SCUBE1: variants seen among roughly 807,000 people sequenced by gnomAD.
SCUBE1 encodes signal peptide, CUB and EGF-like domain-containing protein 1.
In SCUBE1, 59 loss-of-function variants were observed where a neutral mutation model predicts 124.4. The ratio of observed to expected loss-of-function variants is 0.47; its 90% CI spans 0.38 to 0.59. The LOEUF (loss-of-function observed/expected upper bound fraction) is 0.59. Ranked by LOEUF, SCUBE1 falls within the 20% of genes least tolerant of loss-of-function variation. The pLI, the probability that SCUBE1 is intolerant of heterozygous loss-of-function variation, is 0.00. For synonymous variants in SCUBE1, 545 were observed against 550.9 expected (o/e 0.99, Z 0.15); for missense variants, 1,150 against 1,371.2 (o/e 0.84, Z 2.55).
At chr22:43,343,148 G>A (rs1252540928) in intron 1 of SCUBE1, 26 bp downstream of exon 1, 98 of 1,123,320 alleles carry the variant, frequency 8.7e-5, no homozygotes, top group Non-Finnish European at 1.0e-4. Flanking sequence ...CGCGCCCGCC[G>A]CCCCCCACCT....
chr22:43,294,821 C>T (rs1255058477), intron 3 of SCUBE1, among the ~76,000 whole-genome samples: 1 of 152,188 alleles, frequency 6.6e-6, no homozygotes, highest in African/African-American at 2.4e-5. Context: ...AATCCCAGCC[C>T]ACCCCCAAGC....
rs144132382 is a variant in SCUBE1, at chr22:43,255,872, GGAGGCT to G, written c.727+2341_727+2346del. Among the ~76,000 whole-genome samples the G allele has an allele frequency of 9.3e-3, 1,420 of 152,298 alleles. 23 individuals carry two copies. The highest frequency in any genetic ancestry group is 0.033 in the African/African-American group (1,369 of 41,560). On this transcript the variant is annotated intron_variant, in intron 6 of 21. Transcript: ENST00000360835. The surrounding 1 kb of genome is among the most constrained non-coding windows in gnomAD (Gnocchi z 4.7). ...GGCCCATGGGCAAGCAAACAGAGAA[GGAGGCT>G]GAGGTCAGGGCAGACGGGATTCGTC...
intron 4 of SCUBE1, among the ~76,000 whole-genome samples, chr22:43,287,385 T>C (rs1437190854): frequency 1.3e-5 from 2 of 152,330 alleles, no homozygotes; most frequent in East Asian, 1.9e-4. Context: ...AGGCCCTTTT[T>C]ACAGCTGAAA....
At chr22:43,308,316 G>A (rs1043688125) in intron 3 of SCUBE1, among the ~76,000 whole-genome samples, 5 of 152,204 alleles carry the variant, frequency 3.3e-5, no homozygotes, top group Non-Finnish European at 7.3e-5. Flanking sequence ...CTGAAAGTGG[G>A]CCAAGAATGG....
intron 3 of SCUBE1, among the ~76,000 whole-genome samples, chr22:43,309,262 A>C (rs1332633598): frequency 6.6e-6 from 1 of 152,202 alleles, no homozygotes; most frequent in Non-Finnish European, 1.5e-5. Flanking sequence ...GTGTTTTACA[A>C]AGCTCATCTC....
chr22:43,207,892 G>A (rs1921360568), intron 20 of SCUBE1, among the ~76,000 whole-genome samples, 180 bp downstream of exon 20: 1 of 152,206 alleles, frequency 6.6e-6, no homozygotes, highest in Non-Finnish European at 1.5e-5. Context: ...TGTCTTGCCT[G>A]TACCACCCGG....
intron 4 of SCUBE1, among the ~76,000 whole-genome samples, chr22:43,264,185 C>T (rs527891411): frequency 3.5e-4 from 54 of 152,340 alleles, no homozygotes; most frequent in African/African-American, 1.3e-3. Context: ...ACGTCCCTTT[C>T]TTAGAAAGGT....
At chr22:43,321,178 C>G (rs982138543) in intron 2 of SCUBE1, among the ~76,000 whole-genome samples, 1 of 152,206 alleles carries the variant, frequency 6.6e-6, no homozygotes, top group East Asian at 1.9e-4. Context: ...AAGCCGGGGT[C>G]ACTCCCCTAT....
chr22:43,322,147 C>A (rs549941714), intron 2 of SCUBE1, among the ~76,000 whole-genome samples: 102 of 152,226 alleles, frequency 6.7e-4, no homozygotes, highest in African/African-American at 2.4e-3. Flanking sequence ...CCATGCCCGG[C>A]TAATTTTTTG....
chr22:43,263,479 C>T (rs1209943820), intron 4 of SCUBE1, among the ~76,000 whole-genome samples: 1 of 152,202 alleles, frequency 6.6e-6, no homozygotes, highest in Non-Finnish European at 1.5e-5. Flanking sequence ...CACCTCCACC[C>T]ACAGGAAGCT....
At position 43,204,150 on chromosome 22, in the gene SCUBE1, C is replaced by G; in HGVS notation, c.2815-1G>C. On this transcript the variant is annotated splice_acceptor_variant, in intron 21 of 21. Coordinates refer to ENST00000360835, the MANE Select transcript of SCUBE1 (RefSeq NM_173050.5). LOFTEE classifies it high-confidence loss of function. ...AGAGGGCCTTGATCAGCTTCTTGTC[C>G]TGTAAGATAGAGTGGGTGGGAGGCA... 1 of 1,613,720 alleles carries G rather than the reference C, an allele frequency of 6.2e-7. No homozygotes were observed. Among genetic ancestry groups the G allele is most frequent in the Non-Finnish European group, 8.5e-7 (1 of 1,179,930 alleles).
At chr22:43,252,342 C>A (rs1268897796) in intron 6 of SCUBE1, among the ~76,000 whole-genome samples, 5 of 152,216 alleles carry the variant, frequency 3.3e-5, no homozygotes, top group Non-Finnish European at 7.3e-5. Context: ...GAACCCTTAG[C>A]CCCTCTGAGC....
At chr22:43,339,828 C>G (rs1274438969) in intron 1 of SCUBE1, among the ~76,000 whole-genome samples, 11 of 103,848 alleles carry the variant, frequency 1.1e-4, no homozygotes, top group African/African-American at 3.8e-4. Flanking sequence ...TTCTATCCCC[C>G]CACAAGCATC....
intron 10 of SCUBE1, among the ~76,000 whole-genome samples, chr22:43,225,861 C>T (rs1272255530): frequency 6.6e-6 from 1 of 152,048 alleles, no homozygotes; most frequent in Non-Finnish European, 1.5e-5. Flanking sequence ...TCTGAAGGTA[C>T]CATATCCTTC....
At chr22:43,238,790 G>A in intron 7 of SCUBE1, 48 bp downstream of exon 7, 1 of 1,481,502 alleles carries the variant, frequency 6.7e-7, no homozygotes, top group Non-Finnish European at 9.4e-7. Context: ...GGAGGCTCTT[G>A]GCCAGGCCAG....
intron 4 of SCUBE1, among the ~76,000 whole-genome samples, chr22:43,288,583 C>A (rs887642724): frequency 6.6e-6 from 1 of 152,206 alleles, no homozygotes; most frequent in Non-Finnish European, 1.5e-5. Context: ...CCTTTGCACG[C>A]GCCCAGCCTG....
chr22:43,214,057 C>G (rs752543167), intron 16 of SCUBE1, 33 bp downstream of exon 16: 2 of 425,414 alleles, frequency 4.7e-6, no homozygotes, highest in Admixed American at 7.4e-5. Context: ...GCCCACCCCC[C>G]ACCCCCACCT....
At position 43,339,760 on chromosome 22, in the gene SCUBE1, C is replaced by T. The variant is rs866202371; in HGVS notation, c.89-525G>A. Among the ~76,000 whole-genome samples the T allele has an allele frequency of 9.6e-4, 68 of 70,940 alleles. 1 individual carries two copies. The highest frequency in any genetic ancestry group is 2.3e-3 in the African/African-American group (45 of 19,744). 46.5% of individuals were successfully genotyped at this position (70,940 alleles called of 152,430 possible). ...ACAAGCATAGCTCCAACCCTCCCCC[C>T]ACTCTCCTCATTCTATCCCCCCACA... On this transcript the variant is annotated intron_variant, in intron 1 of 21. Transcript: ENST00000360835.
chr22:43,280,472 GTCC>G lies in SCUBE1; in HGVS notation c.484+10571_484+10573del, dbSNP rs1569009442. Among the ~76,000 whole-genome samples the G allele has an allele frequency of 5.4e-3, 236 of 43,408 alleles. 11 individuals carry two copies. Among genetic ancestry groups the G allele is most frequent in the African/African-American group, 0.021 (114 of 5,478 alleles). 28.5% of individuals were successfully genotyped at this position (43,408 alleles called of 152,430 possible). A position where few individuals can be genotyped will look rare whatever the true frequency, so the allele number is the denominator to read the frequency against. ...GTCCCTTCCCCTCACCCATCCTCCCGTCCCTTCCCCTCACCCATCCCCGTCCCT... is the reference window on the plus strand; with the variant it reads ...GTCCCTTCCCCTCACCCATCCTCCCGCTTCCCCTCACCCATCCCCGTCCCT... On this transcript the variant is annotated intron_variant, in intron 4 of 21. Transcript: ENST00000360835.
Sources: gnomAD v4.1 joint callset for allele counts (sites outside exome capture counted in the v4.1 genomes callset) on GRCh38, gnomAD v4.1.1 for gene constraint, Gnocchi (gnomAD v3.1) non-coding constraint, MANE v1.5 for transcripts, NCBI Gene and HGNC (gene_info 2026-07-23, HGNC 2026-07-21) for gene names.